Variants in IRGQ observed in about 807,000 individuals in gnomAD.
IRGQ encodes immunity related GTPase Q, also known as immunity-related GTPase family Q protein.
In IRGQ, 5 loss-of-function variants were observed where a neutral mutation model predicts 10.5. That is an observed-to-expected ratio of 0.48 (90% confidence interval 0.25 to 1.00). The LOEUF is 1.00. Ranked by LOEUF, IRGQ falls within the 50% of genes least tolerant of loss-of-function variation. IRGQ has a pLI of 0.16. For synonymous variants in IRGQ, 418 were observed against 426.0 expected (o/e 0.98, Z 0.23); for missense variants, 792 against 877.7 (o/e 0.90, Z 1.23).
Position 43,595,090 on chromosome 19 carries a change from G to A in IRGQ, c.249C>T (p.Pro83=), listed in dbSNP as rs375099485. The A allele has an allele frequency of 8.3e-5, 133 of 1,610,416 alleles. No individual in the cohort carries two copies. The highest frequency in any genetic ancestry group is 1.1e-4 in the Non-Finnish European group (125 of 1,178,522). ...AEANVLVLVL[P]GPEGNGEPLA... Reference sequence around the variant, plus strand: ...ACGGTTCCCCGTTCCCCTCGGGTCCGGGCAGCACCAGTACCAGCACGTTGG... The same window carrying A: ...ACGGTTCCCCGTTCCCCTCGGGTCCAGGCAGCACCAGTACCAGCACGTTGG... The change falls in exon 2 of 3, where the codon CCC becomes CCT. Residue 83 remains proline, a synonymous_variant. Coordinates refer to ENST00000422989, the MANE Select transcript of IRGQ (RefSeq NM_001007561.3).
chr19:43,593,159 GATCCA>G lies in IRGQ; in HGVS notation c.734_738del (p.Leu245SerfsTer64). 2 of 1,560,492 alleles carry G rather than the reference GATCCA, an allele frequency of 1.3e-6. No individual in the cohort carries two copies. The highest frequency in any genetic ancestry group is 1.7e-6 in the Non-Finnish European group (2 of 1,150,536). On this transcript the variant is annotated frameshift_variant, in exon 3 of 3. Transcript: ENST00000422989. LOFTEE classifies it low-confidence loss of function (END_TRUNC). This position sits in a 1 kb window ranked among gnomAD's most constrained non-coding sequence, Gnocchi z 6.4. ...GCAGGCGCAGCGCCTGGGTCGCCAG[GATCCA>G]ATCCAAGCAGCATGTCCACCACAAG...
chr19:43,595,091 G>C lies in IRGQ; in HGVS notation c.248C>G (p.Pro83Arg). The C allele has an allele frequency of 6.2e-7, 1 of 1,610,552 alleles. No individual in the cohort carries two copies. Among genetic ancestry groups the C allele is most frequent in the Non-Finnish European group, 8.5e-7 (1 of 1,178,532 alleles). The part of the protein sequence containing the change: ...AEANVLVLVL[P>R]GPEGNGEPLA... Reference sequence around the variant, plus strand: ...CGGTTCCCCGTTCCCCTCGGGTCCGGGCAGCACCAGTACCAGCACGTTGGC... The same window carrying C: ...CGGTTCCCCGTTCCCCTCGGGTCCGCGCAGCACCAGTACCAGCACGTTGGC... The change falls in exon 2 of 3, where the codon CCC (proline) becomes CGC (arginine). Residue 83 changes from proline (P) to arginine (R), a missense_variant. By Grantham distance (103) the Pro-to-Arg change is moderately radical. Transcript: ENST00000422989.
rs1272151097 is a variant in IRGQ at position 43,593,364 on chromosome 19, G to A, written c.534C>T (p.Leu178=). ...CGAAGCCATCCTGCGCCGGTGGCAGGAGCCTGTGGGGACAAGAAGGGACAG... is the reference window on the plus strand; with the variant it reads ...CGAAGCCATCCTGCGCCGGTGGCAGAAGCCTGTGGGGACAAGAAGGGACAG... The part of the protein sequence containing the change: ...LQSQAEALRR[L]LPPAQDGFEV... The change falls in exon 3 of 3, where the codon CTC becomes CTT. Residue 178 remains leucine, a synonymous_variant. Transcript: ENST00000422989. The surrounding 1 kb of genome is among the most constrained non-coding windows in gnomAD (Gnocchi z 6.4). 6.0e-6 allele frequency: 9 copies of A among 1,510,808 alleles called. No individual in the cohort carries two copies. The South Asian group carries it at 6.6e-5, about 11-fold the overall frequency. 93.6% of individuals were successfully genotyped at this position (1,510,808 alleles called of 1,614,324 possible). A position where few individuals can be genotyped will look rare whatever the true frequency, so the allele number is the denominator to read the frequency against.
Position 43,594,882 on chromosome 19 carries a change from C to A in IRGQ, c.457G>T (p.Gly153Cys), listed in dbSNP as rs773409122. The A allele has an allele frequency of 1.2e-6, 2 of 1,613,724 alleles. No individual in the cohort carries two copies. Among genetic ancestry groups the A allele is most frequent in the African/African-American group, 2.7e-5 (2 of 74,932 alleles). Reference protein sequence around the residue: ...ADLFVLPANCGSSDGCEELER... With the variant: ...ADLFVLPANCCSSDGCEELER... ...AGCTCCTCGCAGCCGTCGCTGCTGCCGCAGTTCGCCGGTAGCACAAACAGA... is the reference window on the plus strand; with the variant it reads ...AGCTCCTCGCAGCCGTCGCTGCTGCAGCAGTTCGCCGGTAGCACAAACAGA... The change falls in exon 2 of 3, where the codon GGC (glycine) becomes TGC (cysteine). Residue 153 changes from glycine to cysteine, a missense_variant. Physicochemically the swap from Gly to Cys is radical, Grantham distance 159. Coordinates refer to ENST00000422989, the MANE Select transcript of IRGQ (RefSeq NM_001007561.3).
In IRGQ at chr19:43,594,836, A is replaced by C; in HGVS notation, c.503T>G (p.Leu168Arg). ...CEELERLRAA[L>R]QSQAEALRRL... The stretch of plus-strand genomic sequence containing the variant: ...CCGCAGCGCTTCTGCCTGGCTCTGC[A>C]GCGCCGCCCGGAGGCGCTCTAGCTC... The change falls in exon 2 of 3, where the codon CTG becomes CGG. Residue 168 changes from leucine (L) to arginine (R), a missense_variant. Coordinates refer to ENST00000422989, the MANE Select transcript of IRGQ (RefSeq NM_001007561.3). 1 of 1,611,740 alleles carries C rather than the reference A, an allele frequency of 6.2e-7. No individual in the cohort carries two copies. The highest frequency in any genetic ancestry group is 8.5e-7 in the Non-Finnish European group (1 of 1,179,030).
chr19:43,595,689 G>T (rs1316156841), intron 1 of IRGQ, among the ~76,000 whole-genome samples: 1 of 151,926 alleles, frequency 6.6e-6, no homozygotes, highest in East Asian at 1.9e-4. Context: ...CATGTGGGGG[G>T]ACTCTCTGGT....
Position 43,591,707 on chromosome 19 carries a change from G to T in IRGQ, c.*319C>A, listed in dbSNP as rs1376638994. 4.3e-6 allele frequency: 1 copy of T among 233,196 alleles called. No individual in the cohort carries two copies. Among genetic ancestry groups the T allele is most frequent in the Admixed American group, 5.4e-5 (1 of 18,358 alleles). The allele number at this position is 233,196 out of a possible 1,614,324, so 14.4% of individuals were successfully genotyped here. On this transcript the variant is annotated 3_prime_UTR_variant, in exon 3 of 3. Transcript: ENST00000422989. ...TACTAAAAATACAAAAATTAGCCAG[G>T]TGTGGTGGCAGGCACCTGTAATCCC... is the stretch of plus-strand genomic sequence containing the variant.
At position 43,585,383 on chromosome 19, in the gene IRGQ, T is replaced by C. The variant is rs1263683798; in HGVS notation, c.*6643A>G. ...CCTCCCGAGTAGCTGGGACTACAGG[T>C]GTGCACCACCACACCCAGCTAATTT... On this transcript the variant is annotated 3_prime_UTR_variant, in exon 3 of 3. Coordinates refer to ENST00000422989, the MANE Select transcript of IRGQ (RefSeq NM_001007561.3). 1.3e-5 allele frequency: 2 copies of C among 152,136 alleles called. No homozygotes were observed. Among genetic ancestry groups the C allele is most frequent in the African/African-American group, 2.4e-5 (1 of 41,368 alleles). 9.4% of individuals were successfully genotyped at this position (152,136 alleles called of 1,614,324 possible).
In IRGQ at chr19:43,595,073, C is replaced by T; in HGVS notation, c.266G>A (p.Gly89Glu). ...VLVLPGPEGN[G>E]EPLAPALGEA... ...TCCCAGGGCTGGAGCCAACGGTTCC[C>T]CGTTCCCCTCGGGTCCGGGCAGCAC... Residue 89 changes from glycine (G) to glutamate (E), a missense_variant, in exon 2 of 3, where the codon GGG (glycine) becomes GAG (glutamate). Physicochemically the swap from Gly to Glu is moderately conservative, Grantham distance 98. Transcript: ENST00000422989. The T allele has an allele frequency of 1.2e-6, 2 of 1,612,480 alleles. No individual in the cohort carries two copies. The highest frequency in any genetic ancestry group is 1.7e-6 in the Non-Finnish European group (2 of 1,179,428).
rs1373144522 is a variant in IRGQ at position 43,584,920 on chromosome 19, CACTTCAGCCTCG to C, written c.*7094_*7105del. On this transcript the variant is annotated 3_prime_UTR_variant, in exon 3 of 3. Transcript: ENST00000422989. ...GGAGTGCAGTGGAGCCATCATAGCT[CACTTCAGCCTCG>C]ACTTCCTGGGCTCAAACAATCCACT... 6.6e-6 allele frequency: 1 copy of C among 152,160 alleles called. No individual in the cohort carries two copies. Among genetic ancestry groups the C allele is most frequent in the African/African-American group, 2.4e-5 (1 of 41,390 alleles). The allele number at this position is 152,160 out of a possible 1,614,324, so 9.4% of individuals were successfully genotyped here. A position where few individuals can be genotyped will look rare whatever the true frequency, so the allele number is the denominator to read the frequency against.
chr19:43,595,429 T>A (rs1166817550), intron 1 of IRGQ, 89 bp from the exon 2 acceptor site: 3 of 1,242,576 alleles, frequency 2.4e-6, no homozygotes, highest in Non-Finnish European at 3.3e-6. Flanking sequence ...CAGGCCTCAG[T>A]CCTTCACCCT....
rs571861898 is a variant in IRGQ at position 43,595,194 on chromosome 19, G to A, written c.145C>T (p.Leu49=). The A allele has an allele frequency of 1.2e-6, 2 of 1,612,122 alleles. No individual in the cohort carries two copies. The highest frequency in any genetic ancestry group is 1.1e-5 in the South Asian group (1 of 91,010). The change falls in exon 2 of 3, where the codon CTA becomes TTA. Residue 49 remains leucine (L), a synonymous_variant. Coordinates refer to ENST00000422989, the MANE Select transcript of IRGQ (RefSeq NM_001007561.3). ...EGRPDSGVPS[L]RAAGPGLFLG... ...AAAAGGCCTGGGCCCGCAGCTCTTA[G>A]GCTGGGAACCCCGGAGTCCGGCCGT...
At position 43,592,720 on chromosome 19, in the gene IRGQ, CCCTCGCTGCCAGCTTTCCCAGGACCTT is replaced by C. The variant is rs780413995; in HGVS notation, c.1151_1177del (p.Glu384_Glu392del). 1.4e-5 allele frequency: 23 copies of C among 1,610,654 alleles called. No homozygotes were observed. Among genetic ancestry groups the C allele is most frequent in the East Asian group, 2.2e-5 (1 of 44,886 alleles). ...CTTCATGCCGACAACCTGCTGCAAA[CCCTCGCTGCCAGCTTTCCCAGGACCTT>C]CCCCGCTGCCTGCTTTCTGCGATCC... On this transcript the variant is annotated inframe_deletion, in exon 3 of 3. Transcript: ENST00000422989.
chr19:43,595,378 G>A (rs1421561562), intron 1 of IRGQ, 38 bp from the exon 2 acceptor site: 6 of 1,500,894 alleles, frequency 4.0e-6, no homozygotes, highest in Non-Finnish European at 4.4e-6. Context: ...GGGTCAGGGA[G>A]CACCTAGCCT....
In IRGQ at chr19:43,588,092, TCCAGACCAGCTTAGCCAACATGGTGAAA is replaced by T. The variant is rs925794944; in HGVS notation, c.*3906_*3933del. ...GGGCAGATAACTTGAGGCCATGAGT[TCCAGACCAGCTTAGCCAACATGGTGAAA>T]CCCCATCTCTACTAAAAATACAAAA... On this transcript the variant is annotated 3_prime_UTR_variant, in exon 3 of 3. Transcript: ENST00000422989. 9 of 151,928 alleles carry T rather than the reference TCCAGACCAGCTTAGCCAACATGGTGAAA, an allele frequency of 5.9e-5. No homozygotes were observed. Among genetic ancestry groups the T allele is most frequent in the Admixed American group, 5.2e-4 (8 of 15,250 alleles). The allele number at this position is 151,928 out of a possible 1,614,324, so 9.4% of individuals were successfully genotyped here. A position where few individuals can be genotyped will look rare whatever the true frequency, so the allele number is the denominator to read the frequency against.
In IRGQ at chr19:43,592,133, T is replaced by G; in HGVS notation, c.1765A>C (p.Thr589Pro). ...FLWPAGGAAA[T>P]GGLGYRAAHG... Reference sequence around the variant, plus strand: ...GCCGCTCGGTAGCCCAGGCCACCTGTCGCCGCTGCACCACCCGCAGGCCAC... The same window carrying G: ...GCCGCTCGGTAGCCCAGGCCACCTGGCGCCGCTGCACCACCCGCAGGCCAC... The change falls in exon 3 of 3, where the codon ACA (threonine) becomes CCA (proline). Residue 589 changes from threonine (T) to proline (P), a missense_variant. Thr to Pro is a conservative substitution (Grantham distance 38). Transcript: ENST00000422989. The G allele has an allele frequency of 6.2e-7, 1 of 1,611,194 alleles. No individual in the cohort carries two copies. Among genetic ancestry groups the G allele is most frequent in the Non-Finnish European group, 8.5e-7 (1 of 1,179,668 alleles).
Position 43,592,955 on chromosome 19 carries a change from G to A in IRGQ, c.943C>T (p.Gln315Ter). ...TCTGGTAGCAGCAAGGCCTGGACCT[G>A]GGCCCAGTCCTTCTCAGTGGGGGCC... ...PGAPTEKDWA[Q>*]VQALLLPDAP... The change falls in exon 3 of 3, where the codon CAG (glutamine) becomes TAG (stop). Residue 315 changes from glutamine to a stop codon, truncating the protein, a stop_gained. Transcript: ENST00000422989. LOFTEE classifies it low-confidence loss of function (END_TRUNC). 1 of 1,609,920 alleles carries A rather than the reference G, an allele frequency of 6.2e-7. No homozygotes were observed. The highest frequency in any genetic ancestry group is 8.5e-7 in the Non-Finnish European group (1 of 1,180,006).
chr19:43,587,436 A>G lies in IRGQ; in HGVS notation c.*4590T>C, dbSNP rs1490717570. ...TCAGTTTTTGGAAAACTATTATATA[A>G]TTGGAACAACTTGGATATGTGAATC... On this transcript the variant is annotated 3_prime_UTR_variant, in exon 3 of 3. Transcript: ENST00000422989. 6.6e-6 allele frequency: 1 copy of G among 152,230 alleles called. No individual in the cohort carries two copies. Among genetic ancestry groups the G allele is most frequent in the Non-Finnish European group, 1.5e-5 (1 of 68,048 alleles). 9.4% of individuals were successfully genotyped at this position (152,230 alleles called of 1,614,324 possible).
In IRGQ at chr19:43,594,813, G is replaced by A. The variant is rs755981329; in HGVS notation, c.526C>T (p.Arg176Trp). 2 of 1,602,308 alleles carry A rather than the reference G, an allele frequency of 1.2e-6. No individual in the cohort carries two copies. Among genetic ancestry groups the A allele is most frequent in the South Asian group, 2.2e-5 (2 of 90,478 alleles). ...AALQSQAEAL[R>W]RLLPPAQDGF... ...AGCCAGAAAGCCGGCACTCACCTCC[G>A]CAGCGCTTCTGCCTGGCTCTGCAGC... The change falls in exon 2 of 3, where the codon CGG becomes TGG. Residue 176 changes from arginine (R) to tryptophan (W), a missense_variant. Transcript: ENST00000422989.
Sources: allele counts gnomAD v4.1 joint callset (sites outside exome capture counted in the v4.1 genomes callset), GRCh38; gene constraint gnomAD v4.1.1; non-coding constraint Gnocchi (gnomAD v3.1); transcripts MANE v1.5; gene names NCBI Gene and HGNC (gene_info 2026-07-23, HGNC 2026-07-21).